Variants in TMEM164 observed in about 807,000 individuals in gnomAD.
TMEM164 encodes the protein RP13-360B22.2.
TMEM164 carries 4 observed loss-of-function variants against 18.8 expected under a neutral mutation model. That is an observed-to-expected ratio of 0.21 (90% CI 0.10 to 0.49). The LOEUF is 0.49. Ranked by LOEUF, TMEM164 falls within the 20% of genes least tolerant of loss-of-function variation. TMEM164 has a pLI of 0.98. For synonymous variants in TMEM164, 86 were observed against 101.7 expected, an observed-to-expected ratio of 0.85 and a Z score of 0.93; for missense variants, 108 against 239.9, an observed-to-expected ratio of 0.45 and a Z score of 3.63.
intron 5 of TMEM164, among the ~76,000 whole-genome samples, chrX:110,149,245 A>G (rs2066905985): frequency 8.9e-6 from 1 of 111,756 alleles, no homozygotes; most frequent in Admixed American, 9.5e-5. Context: ...CACCTCATAC[A>G]TGGTGCATAA....
chrX:110,150,086 T>C (rs2066918617), intron 5 of TMEM164, among the ~76,000 whole-genome samples: 1 of 112,007 alleles, frequency 8.9e-6, no homozygotes, highest in African/African-American at 3.3e-5. Flanking sequence ...TTTATAGTTA[T>C]GACTGAGATA....
chrX:110,102,375 C>T (rs1169079309), intron 3 of TMEM164, among the ~76,000 whole-genome samples: 1 of 110,953 alleles, frequency 9.0e-6, no homozygotes, highest in Non-Finnish European at 1.9e-5. Flanking sequence ...CTGTTACTAG[C>T]ATATTTTTGT....
downstream of TMEM164, chrX:110,182,702 C>T (rs1173221185): frequency 3.6e-5 from 4 of 111,853 alleles, no homozygotes; most frequent in African/African-American, 1.3e-4. Flanking sequence ...TCCCTACCTC[C>T]TCCAACAAGG....
At chrX:110,037,002 G>T (rs974557274) in intron 2 of TMEM164, among the ~76,000 whole-genome samples, 1 of 111,001 alleles carries the variant, frequency 9.0e-6, no homozygotes, top group Non-Finnish European at 1.9e-5. Flanking sequence ...TAAAGTTATG[G>T]TCTCTTTTTT....
intron 2 of TMEM164, among the ~76,000 whole-genome samples, chrX:110,033,924 G>A (rs1305568403): frequency 1.8e-5 from 2 of 111,461 alleles, no homozygotes; most frequent in Non-Finnish European, 3.8e-5. Flanking sequence ...CTTTTAAACT[G>A]CCTCTGCAGG....
intron 5 of TMEM164, among the ~76,000 whole-genome samples, chrX:110,166,664 T>C (rs1295886870): frequency 8.9e-6 from 1 of 112,248 alleles, no homozygotes; most frequent in Non-Finnish European, 1.9e-5. Context: ...CTGGCAGAAA[T>C]TGATTTTAGA....
chrX:110,013,597 G>A (rs1933130877), intron 2 of TMEM164, among the ~76,000 whole-genome samples: 1 of 111,691 alleles, frequency 9.0e-6, no homozygotes, highest in Non-Finnish European at 1.9e-5. Context: ...GGGATACAGC[G>A]GGGATCCTGA....
intron 3 of TMEM164, among the ~76,000 whole-genome samples, chrX:110,101,137 TTTAA>T (rs2066104718): frequency 9.0e-6 from 1 of 111,232 alleles, no homozygotes. Context: ...GACCATTCTG[TTTAA>T]TTGATTGATG....
intron 5 of TMEM164, among the ~76,000 whole-genome samples, chrX:110,158,924 AAAT>A (rs751370243): frequency 1.5e-4 from 17 of 112,387 alleles, no homozygotes; most frequent in Non-Finnish European, 1.9e-4. Context: ...TGTAAAATAA[AAAT>A]AATAACAGTA....
chrX:110,092,043 G>C lies in TMEM164; in HGVS notation c.441-17037G>C, dbSNP rs150707442. Among the ~76,000 whole-genome samples, 499 of 111,443 alleles carry C rather than the reference G, an allele frequency of 4.5e-3. 3 individuals carry two copies. The South Asian group carries it at 0.045, about 10-fold the overall frequency. ...TAGATGTGTGGTGCTATTTCTGAGG[G>C]CTCTGTTCTGTTCCATTGGTCCATA... On this transcript the variant is annotated intron_variant, in intron 3 of 6. Coordinates refer to ENST00000372068, the MANE Select transcript of TMEM164 (RefSeq NM_032227.4).
At chrX:110,029,791 T>C (rs1934366239) in intron 2 of TMEM164, among the ~76,000 whole-genome samples, 2 of 111,091 alleles carry the variant, frequency 1.8e-5, no homozygotes, top group African/African-American at 3.3e-5. Flanking sequence ...CTGATTCTGA[T>C]TGCGTTTCCT....
chrX:110,131,416 G>A (rs1474094175), intron 4 of TMEM164, among the ~76,000 whole-genome samples: 2 of 111,611 alleles, frequency 1.8e-5, no homozygotes, highest in African/African-American at 3.3e-5. Context: ...CTACCTGTGC[G>A]GATGAAGAAC....
intron 3 of TMEM164, among the ~76,000 whole-genome samples, chrX:110,105,175 ACCATCCATCCAT>A (rs55889712): frequency 3.0e-4 from 27 of 88,987 alleles, no homozygotes; most frequent in African/African-American, 5.6e-4. Flanking sequence ...CTTCCATCCA[ACCATCCATCCAT>A]CCATCCATCC....
intron 2 of TMEM164, among the ~76,000 whole-genome samples, chrX:110,012,723 C>T (rs1236209920): frequency 8.9e-6 from 1 of 112,097 alleles, no homozygotes; most frequent in Non-Finnish European, 1.9e-5. Flanking sequence ...GGGCACCAGT[C>T]AGTCCTCTGT....
In TMEM164 at chrX:110,175,906, C is replaced by A. The variant is rs1269666110; in HGVS notation, c.*2455C>A. 2 of 755,950 alleles carry A rather than the reference C, an allele frequency of 2.6e-6. No individual in the cohort carries two copies. Among genetic ancestry groups the A allele is most frequent in the African/African-American group, 4.6e-5 (2 of 43,918 alleles). The allele number at this position is 755,950 out of a possible 1,213,427, so 62.3% of individuals were successfully genotyped here. On this transcript the variant is annotated 3_prime_UTR_variant, in exon 7 of 7. Coordinates refer to ENST00000372068, the MANE Select transcript of TMEM164 (RefSeq NM_032227.4). ...TGGCAGCCTGCCTTACAGGGTAGCC[C>A]ACCTTATAGGGTAGCCCTCATATCT... is the stretch of plus-strand genomic sequence containing the variant.
intron 3 of TMEM164, among the ~76,000 whole-genome samples, chrX:110,075,044 C>T (rs778606635): frequency 9.0e-5 from 10 of 111,644 alleles, no homozygotes; most frequent in East Asian, 2.8e-4. Flanking sequence ...TAGATTGCTT[C>T]GGGTAGTATG....
chrX:110,136,982 G>A (rs1028477701), intron 4 of TMEM164, among the ~76,000 whole-genome samples: 3 of 111,685 alleles, frequency 2.7e-5, no homozygotes, highest in Non-Finnish European at 5.6e-5. Flanking sequence ...CCACCAAATG[G>A]GGTGCAAGAG....
chrX:110,139,323 G>A (rs770836872), intron 4 of TMEM164, among the ~76,000 whole-genome samples: 1 of 111,366 alleles, frequency 9.0e-6, no homozygotes, highest in Non-Finnish European at 1.9e-5. Flanking sequence ...CTGTGGGGAT[G>A]GGTGCAGGGA....
Position 110,129,959 on chromosome X carries a change from A to G in TMEM164, c.508-14839A>G, listed in dbSNP as rs147340821. Among the ~76,000 whole-genome samples, 391 of 112,605 alleles carry G rather than the reference A, an allele frequency of 3.5e-3. 1 individual carries two copies. The highest frequency in any genetic ancestry group is 9.9e-3 in the South Asian group (27 of 2,735). Reference sequence around the variant, plus strand: ...CAAACCCTTTTAAGCCCTAGAAATTAGCATTTAGAATGATGTGGTTGTAAG... The same window carrying G: ...CAAACCCTTTTAAGCCCTAGAAATTGGCATTTAGAATGATGTGGTTGTAAG... On this transcript the variant is annotated intron_variant, in intron 4 of 6. Transcript: ENST00000372068.
Sources: gnomAD v4.1 joint callset for allele counts (sites outside exome capture counted in the v4.1 genomes callset) on GRCh38, gnomAD v4.1.1 for gene constraint, MANE v1.5 for transcripts, NCBI Gene and HGNC (gene_info 2026-07-23, HGNC 2026-07-21) for gene names.